LZTS1: variants seen among roughly 807,000 people sequenced by gnomAD.
LZTS1 encodes the protein leucine zipper putative tumor suppressor 1.
Under a neutral mutation model 45.8 loss-of-function variants are expected in LZTS1, and 31 were observed. The ratio of observed to expected loss-of-function variants is 0.68; its 90% CI spans 0.51 to 0.91. LZTS1 has a LOEUF of 0.91. Ranked by LOEUF, LZTS1 falls within the 40% of genes least tolerant of loss-of-function variation. LZTS1 has a pLI of 0.00. For missense variants in LZTS1, 821 were observed against 788.9 expected (o/e 1.04, Z -0.49); for synonymous variants, 359 against 357.3 (o/e 1.00, Z -0.05).
intron 1 of LZTS1, among the ~76,000 whole-genome samples, chr8:20,277,950 G>GTCT (rs1800616877): frequency 6.6e-6 from 1 of 152,174 alleles, no homozygotes; most frequent in Non-Finnish European, 1.5e-5. Flanking sequence ...ACCTTGGAAC[G>GTCT]TCTTGCTCAC....
chr8:20,268,758 GGGGGGAGAGGCTGCTGGT>G (rs1330560146), intron 1 of LZTS1, among the ~76,000 whole-genome samples: 1 of 152,004 alleles, frequency 6.6e-6, no homozygotes, highest in African/African-American at 2.4e-5. Flanking sequence ...CTGAGGTGCT[GGGGGGAGAGGCTGCTGGT>G]GGGTTGGGAG....
At chr8:20,278,565 A>C (rs1177280672) in intron 1 of LZTS1, among the ~76,000 whole-genome samples, 1 of 152,158 alleles carries the variant, frequency 6.6e-6, no homozygotes, top group Non-Finnish European at 1.5e-5. Flanking sequence ...GATAGTTGTT[A>C]ATACACTTTC....
At chr8:20,290,517 C>T (rs1490616206) in intron 1 of LZTS1, 3 of 152,232 alleles carry the variant, frequency 2.0e-5, no homozygotes, top group Non-Finnish European at 4.4e-5. Context: ...AATGTGTGTC[C>T]AAAACACCAG....
At chr8:20,258,285 A>C (rs932387148) in intron 1 of LZTS1, among the ~76,000 whole-genome samples, 7 of 152,222 alleles carry the variant, frequency 4.6e-5, no homozygotes, top group African/African-American at 1.7e-4. Flanking sequence ...ATCCATCCTA[A>C]AGGGGCTAAA....
chr8:20,256,129 AG>A (rs1403024010), intron 1 of LZTS1, among the ~76,000 whole-genome samples: 2 of 150,652 alleles, frequency 1.3e-5, no homozygotes, highest in Non-Finnish European at 3.0e-5. Flanking sequence ...ATGAAAATCT[AG>A]GGGGAGAGGG....
chr8:20,300,438 T>C (rs934802820), intron 1 of LZTS1, among the ~76,000 whole-genome samples: 4 of 152,100 alleles, frequency 2.6e-5, no homozygotes, highest in Non-Finnish European at 4.4e-5. Flanking sequence ...GTTCACGCCA[T>C]TCTCCTGCCT....
At chr8:20,261,999 A>T (rs1039281660) in intron 1 of LZTS1, among the ~76,000 whole-genome samples, 1 of 152,120 alleles carries the variant, frequency 6.6e-6, no homozygotes, top group South Asian at 2.1e-4. Context: ...CCTAAGCTGC[A>T]AAGAGCAGGG....
Position 20,254,962 on chromosome 8 carries a change from C to G in LZTS1, c.220G>C (p.Ala74Pro), listed in dbSNP as rs1207003922. 5.6e-6 allele frequency: 9 copies of G among 1,614,200 alleles called. No homozygotes were observed. Among genetic ancestry groups the G allele is most frequent in the Non-Finnish European group, 7.6e-6 (9 of 1,180,038 alleles). The change falls in exon 2 of 4, where the codon GCC becomes CCC. Residue 74 changes from alanine to proline, a missense_variant. Coordinates refer to ENST00000381569, the MANE Select transcript of LZTS1 (RefSeq NM_021020.5). ...TAATCTGGGTGATGGGAGCCCCGGGCTTTCTGGCTGACCTTGATGTAGAAG... is the reference window on the plus strand; with the variant it reads ...TAATCTGGGTGATGGGAGCCCCGGGGTTTCTGGCTGACCTTGATGTAGAAG... ...DFFYIKVSQK[A>P]RGSHHPDYTA... is the part of the protein sequence containing the mutation.
In LZTS1 at chr8:20,253,170, G is replaced by T; in HGVS notation, c.761C>A (p.Ser254Tyr). 1 of 1,613,452 alleles carries T rather than the reference G, an allele frequency of 6.2e-7. No individual in the cohort carries two copies. Among genetic ancestry groups the T allele is most frequent in the Non-Finnish European group, 8.5e-7 (1 of 1,180,042 alleles). ...KADKGPSCVRSPISTDECSIQ... is the reference protein window; with the variant it reads ...KADKGPSCVRYPISTDECSIQ... Reference sequence around the variant, plus strand: ...GCTGCACTCGTCCGTGGAGATGGGGGAGCGGACACACGAGGGGCCCTTGTC... The same window carrying T: ...GCTGCACTCGTCCGTGGAGATGGGGTAGCGGACACACGAGGGGCCCTTGTC... The change falls in exon 3 of 4, where the codon TCC (serine) becomes TAC (tyrosine). Residue 254 changes from serine to tyrosine, a missense_variant. Ser to Tyr is a moderately radical substitution (Grantham distance 144). Transcript: ENST00000381569.
At chr8:20,268,526 G>C (rs563776410) in intron 1 of LZTS1, among the ~76,000 whole-genome samples, 24 of 152,232 alleles carry the variant, frequency 1.6e-4, no homozygotes, top group Admixed American at 1.6e-3. Context: ...GAGGGGGAAA[G>C]GGGTTGGGGG....
intron 1 of LZTS1, among the ~76,000 whole-genome samples, chr8:20,286,421 T>C (rs1196876168): frequency 3.3e-5 from 5 of 152,172 alleles, no homozygotes; most frequent in Non-Finnish European, 5.9e-5. Context: ...GAGTACTGAT[T>C]AGGAAAATGT....
intron 1 of LZTS1, chr8:20,289,337 G>A (rs1174016295): frequency 1.3e-5 from 2 of 152,284 alleles, no homozygotes; most frequent in Admixed American, 1.3e-4. Context: ...TGCCTGCAAA[G>A]GCTGAGCCTT....
At chr8:20,251,146 TATAA>T (rs1445752822) in intron 3 of LZTS1, among the ~76,000 whole-genome samples, 1,223 of 102,674 alleles carry the variant, frequency 0.012, 151 homozygotes, top group Non-Finnish European at 0.017. Flanking sequence ...TATATATATA[TATAA>T]AATATAAAGT....
At position 20,249,814 on chromosome 8, in the gene LZTS1, G is replaced by C. The variant is rs114929298; in HGVS notation, c.1699C>G (p.Leu567Val). The change falls in exon 4 of 4, where the codon CTG becomes GTG. Residue 567 changes from leucine to valine, a missense_variant. Coordinates refer to ENST00000381569, the MANE Select transcript of LZTS1 (RefSeq NM_021020.5). ...TCCCCGGCGCTGTCCCCACGTGCCA[G>C]CTGCTGCAGGGCCTTCTCCAGGCGC... ...NQRLEKALQQLARGDSAGEPL... is the reference protein window; with the variant it reads ...NQRLEKALQQVARGDSAGEPL... 6.0e-4 allele frequency: 973 copies of C among 1,614,144 alleles called. 4 individuals are homozygous for C. In the African/African-American group the frequency reaches 0.011, roughly 19 times the overall value.
chr8:20,301,120 CAAAAAAAA>C (rs71222143), intron 1 of LZTS1, among the ~76,000 whole-genome samples: 11,739 of 107,082 alleles, frequency 0.11, 603 homozygotes, highest in South Asian at 0.19. Context: ...GACTCCGTCT[CAAAAAAAA>C]AAAAAAAAAA....
chr8:20,300,922 C>T (rs1456384829), intron 1 of LZTS1, among the ~76,000 whole-genome samples: 2 of 151,958 alleles, frequency 1.3e-5, no homozygotes, highest in African/African-American at 2.4e-5. Context: ...GAGTTCAAGA[C>T]CAGCCTGACC....
chr8:20,289,062 CTTT>C (rs1320281693), intron 1 of LZTS1: 1 of 129,782 alleles, frequency 7.7e-6, no homozygotes, highest in Non-Finnish European at 1.6e-5. Flanking sequence ...GCCTCAAACT[CTTT>C]TTACATTTGT....
Position 20,249,986 on chromosome 8 carries a change from G to A in LZTS1, c.1527C>T (p.Ala509=), listed in dbSNP as rs142969550. The change falls in exon 4 of 4, where the codon GCC becomes GCT. Residue 509 remains alanine (A), a synonymous_variant. Transcript: ENST00000381569. ...GGCCTTGCCGCTCCTCCCGCAGCTC[G>A]GCCCGCAGCCGCTCCAGCTCCCGCT... is the stretch of plus-strand genomic sequence containing the variant. ...ALQRELERLR[A]ELREERQGHD... 399 of 1,613,622 alleles carry A rather than the reference G, an allele frequency of 2.5e-4. 1 individual carries two copies. Among genetic ancestry groups the A allele is most frequent in the South Asian group, 8.2e-4 (75 of 91,068 alleles).
chr8:20,253,793 G>A (rs1474491894), intron 2 of LZTS1, among the ~76,000 whole-genome samples: 2 of 152,164 alleles, frequency 1.3e-5, no homozygotes, highest in Non-Finnish European at 2.9e-5. Flanking sequence ...CCCTAATGGC[G>A]ACTTGGGCAC....
Sources: allele counts gnomAD v4.1 joint callset (sites outside exome capture counted in the v4.1 genomes callset), GRCh38; gene constraint gnomAD v4.1.1; transcripts MANE v1.5; gene names NCBI Gene and HGNC (gene_info 2026-07-23, HGNC 2026-07-21).